The following CEP135 variants were observed in gnomAD, a reference collection of about 807,000 sequenced individuals.
CEP135 encodes centrosomal protein of 135 kDa.
A neutral mutation model predicts 157.3 loss-of-function variants in CEP135; 142 were observed. The observed-to-expected ratio is 0.90, with a 90% CI of 0.79 to 1.04. The LOEUF is 1.04. CEP135 is among the 50% of genes least tolerant of loss of function. The probability of loss-of-function intolerance (pLI) is 0.00; values close to 1 mark genes in which losing one functional copy is unlikely to be tolerated. For missense variants in CEP135, 1,317 were observed against 1,309.2 expected (o/e 1.01, Z -0.09); for synonymous variants, 396 against 439.8 (o/e 0.90, Z 1.25).
intron 25 of CEP135, among the ~76,000 whole-genome samples, chr4:56,028,988 T>C (rs566228832): frequency 3.3e-5 from 5 of 152,092 alleles, no homozygotes; most frequent in Admixed American, 3.3e-4. Context: ...ACTGAAGAGG[T>C]TTCCACAGCC....
chr4:55,955,168 G>A (rs1016834074), intron 4 of CEP135, among the ~76,000 whole-genome samples: 1 of 152,102 alleles, frequency 6.6e-6, no homozygotes, highest in East Asian at 1.9e-4. Context: ...CAATATTAGT[G>A]ACAAAATCAT....
chr4:55,950,024 C>G (rs1460357337), intron 1 of CEP135, among the ~76,000 whole-genome samples: 5 of 152,134 alleles, frequency 3.3e-5, no homozygotes, highest in Non-Finnish European at 7.4e-5. Flanking sequence ...TAGTAATACA[C>G]CTGGATTTGT....
rs533398919 is a variant in CEP135 at position 55,984,767 on chromosome 4, T to C, written c.1780-514T>C. ...TTATCCTAGACTTAGCAGCAGTAAG[T>C]TGGATAAAGTAATGTAACCAGAAAA... is the stretch of plus-strand genomic sequence containing the variant. On this transcript the variant is annotated intron_variant, in intron 13 of 25. Coordinates refer to ENST00000257287, the MANE Select transcript of CEP135 (RefSeq NM_025009.5). Among the ~76,000 whole-genome samples the C allele has an allele frequency of 3.9e-5, 6 of 152,300 alleles. No homozygotes were observed. In the South Asian group the frequency reaches 1.2e-3, roughly 32 times the overall value.
Position 56,000,019 on chromosome 4 carries a change from A to G in CEP135, c.2280+374A>G, listed in dbSNP as rs926229790. 2.6e-5 allele frequency among the ~76,000 whole-genome samples: 4 copies of G among 152,198 alleles called. No homozygotes were observed. In the South Asian group the frequency reaches 8.3e-4, roughly 32 times the overall value. On this transcript the variant is annotated intron_variant, in intron 17 of 25. Coordinates refer to ENST00000257287, the MANE Select transcript of CEP135 (RefSeq NM_025009.5). Reference sequence around the variant, plus strand: ...AGCCTGGGCCACGTGGTGAGACTCCATCTCTACCAAAAATACAAAAAATTA... The same window carrying G: ...AGCCTGGGCCACGTGGTGAGACTCCGTCTCTACCAAAAATACAAAAAATTA...
intron 16 of CEP135, 33 bp from the exon 17 acceptor site, chr4:55,999,457 AC>A (rs1553893063): frequency 2.5e-6 from 4 of 1,612,894 alleles, no homozygotes; most frequent in Non-Finnish European, 3.4e-6. Flanking sequence ...ATCCTAATGT[AC>A]TTTGTCTAAC....
At chr4:55,982,396 G>A (rs1364935579) in intron 13 of CEP135, among the ~76,000 whole-genome samples, 1 of 152,094 alleles carries the variant, frequency 6.6e-6, no homozygotes, top group Non-Finnish European at 1.5e-5. Context: ...CACCAGTAGT[G>A]AATAAAAGTT....
At chr4:55,968,119 A>G (rs554172411) in intron 8 of CEP135, among the ~76,000 whole-genome samples, 3 of 152,248 alleles carry the variant, frequency 2.0e-5, no homozygotes, top group African/African-American at 7.2e-5. Context: ...CACTAAGAAT[A>G]AACTATCCAA....
In CEP135 at chr4:55,969,145, T is replaced by G. The variant is rs1289856205; in HGVS notation, c.1110+17T>G. 3.1e-6 allele frequency: 5 copies of G among 1,608,214 alleles called. No homozygotes were observed. The African/African-American group carries it at 4.0e-5, about 13-fold the overall frequency. Reference sequence around the variant, plus strand: ...CTTCAGCTGGTAAGTTGATGTCATGTTGAATTGCCAGCATTTTCAGTAAGA... The same window carrying G: ...CTTCAGCTGGTAAGTTGATGTCATGGTGAATTGCCAGCATTTTCAGTAAGA... On this transcript the variant is annotated intron_variant, in intron 9 of 25. Coordinates refer to ENST00000257287, the MANE Select transcript of CEP135 (RefSeq NM_025009.5).
rs139750262 is a variant in CEP135 at position 56,029,014 on chromosome 4, A to G, written c.*12-2346A>G. Among the ~76,000 whole-genome samples, 1,466 of 152,238 alleles carry G rather than the reference A, an allele frequency of 9.6e-3. 19 individuals are homozygous for G. The highest frequency in any genetic ancestry group is 0.014 in the Middle Eastern group (4 of 294). On this transcript the variant is annotated intron_variant, in intron 25 of 25. Transcript: ENST00000257287. ...TTCCACAGCCCCCTCATCACATTCT[A>G]TTAATTTGCTAGAGCAGCTCACAGA...
At chr4:55,973,138 C>A (rs1729082886) in intron 10 of CEP135, among the ~76,000 whole-genome samples, 1 of 152,166 alleles carries the variant, frequency 6.6e-6, no homozygotes, top group Non-Finnish European at 1.5e-5. Flanking sequence ...TTGGGTGCAT[C>A]CCCCTGCCAG....
intron 11 of CEP135, 91 bp downstream of exon 11, chr4:55,975,060 C>A: frequency 2.1e-6 from 2 of 941,602 alleles, no homozygotes; most frequent in Non-Finnish European, 3.1e-6. Flanking sequence ...TTTATTCGTA[C>A]TTGCTTTGAA....
Position 55,991,955 on chromosome 4 carries a change from T to C in CEP135, c.1879T>C (p.Leu627=). Residue 627 remains leucine, a synonymous_variant, in exon 15 of 26, where the codon TTA becomes CTA. Coordinates refer to ENST00000257287, the MANE Select transcript of CEP135 (RefSeq NM_025009.5). ...ATAGCTTGAAAGCGAAAAATATGAA[T>C]TAAAGTCTAAAGTGTTAATAATGAA... ...NHQLESEKYE[L]KSKVLIMKET... 6.6e-7 allele frequency: 1 copy of C among 1,504,158 alleles called. No individual in the cohort carries two copies. Among genetic ancestry groups the C allele is most frequent in the South Asian group, 1.2e-5 (1 of 80,742 alleles). 93.2% of individuals were successfully genotyped at this position (1,504,158 alleles called of 1,614,324 possible).
rs1577861320 is a variant in CEP135 at position 55,953,132 on chromosome 4, C to A, written c.161C>A (p.Ala54Asp). 4.4e-6 allele frequency: 7 copies of A among 1,605,434 alleles called. No individual in the cohort carries two copies. Among genetic ancestry groups the A allele is most frequent in the Non-Finnish European group, 3.4e-6 (4 of 1,177,530 alleles). The change falls in exon 3 of 26, where the codon GCT becomes GAT. Residue 54 changes from alanine (A) to aspartate (D), a missense_variant. Coordinates refer to ENST00000257287, the MANE Select transcript of CEP135 (RefSeq NM_025009.5). The stretch of plus-strand genomic sequence containing the variant: ...AGCCTTCGGCAATCAAAATTATCTG[C>A]TGTGAAAGCTGAAAAAGAAAGTGCC... ...TESLRQSKLS[A>D]VKAEKESANF...
rs775520460 is a variant in CEP135, at chr4:55,964,347, C to T, written c.773C>T (p.Ser258Phe). ...GGTGGTCGGTCCCCTGATGTCCTTTCTCTGGAGTCTAGAAATAAAACCAAT... is the reference window on the plus strand; with the variant it reads ...GGTGGTCGGTCCCCTGATGTCCTTTTTCTGGAGTCTAGAAATAAAACCAAT... ...LDGGRSPDVL[S>F]LESRNKTNEK... Residue 258 changes from serine to phenylalanine, a missense_variant, in exon 7 of 26, where the codon TCT becomes TTT. Transcript: ENST00000257287. 4 of 1,612,850 alleles carry T rather than the reference C, an allele frequency of 2.5e-6. No individual in the cohort carries two copies. In the African/African-American group the frequency reaches 4.0e-5, roughly 16 times the overall value.
chr4:56,010,235 C>T (rs539759841), intron 19 of CEP135, among the ~76,000 whole-genome samples: 71 of 146,102 alleles, frequency 4.9e-4, no homozygotes, highest in African/African-American at 1.6e-3. Flanking sequence ...TGGCGGCATG[C>T]GCCTGTAATC....
chr4:56,030,743 C>CTG (rs1731311751), intron 25 of CEP135, among the ~76,000 whole-genome samples: 1 of 152,202 alleles, frequency 6.6e-6, no homozygotes, highest in African/African-American at 2.4e-5. Flanking sequence ...GCATGAGCCA[C>CTG]TGCACCCAGC....
Position 56,017,704 on chromosome 4 carries a change from G to GTC in CEP135, c.2862_2863dup (p.Arg955LeufsTer3). The GTC allele has an allele frequency of 6.2e-7, 1 of 1,613,860 alleles. No individual in the cohort carries two copies. Among genetic ancestry groups the GTC allele is most frequent in the Non-Finnish European group, 8.5e-7 (1 of 1,179,976 alleles). ...AGATCTCATCAATGGCAAAAGCCAT[G>GTC]TCTCGATTAGAAGAAGAGCTGAGAC... On this transcript the variant is annotated frameshift_variant, in exon 22 of 26. Coordinates refer to ENST00000257287, the MANE Select transcript of CEP135 (RefSeq NM_025009.5). LOFTEE classifies it high-confidence loss of function.
intron 13 of CEP135, among the ~76,000 whole-genome samples, chr4:55,983,126 C>T (rs750667671): frequency 2.0e-5 from 3 of 152,096 alleles, no homozygotes; most frequent in Admixed American, 6.6e-5. Context: ...TACTGCTTTC[C>T]AGAAAGTGTT....
At chr4:55,969,251 AC>A (rs940726221) in intron 9 of CEP135, 123 bp downstream of exon 9, 46 of 657,454 alleles carry the variant, frequency 7.0e-5, no homozygotes, top group African/African-American at 4.5e-4. Context: ...ACATGGCGAA[AC>A]CCCGTCTCTA....
Sources: gnomAD v4.1 joint callset for allele counts (sites outside exome capture counted in the v4.1 genomes callset) on GRCh38, gnomAD v4.1.1 for gene constraint, MANE v1.5 for transcripts, NCBI Gene and HGNC (gene_info 2026-07-23, HGNC 2026-07-21) for gene names.